The following NFKB1 variants were observed in gnomAD, a reference collection of about 807,000 sequenced individuals.
The protein encoded by NFKB1 is nuclear factor kappa B subunit 1, also known as nuclear factor NF-kappa-B p105 subunit.
A neutral mutation model predicts 105.1 loss-of-function variants in NFKB1; 9 were observed. The ratio of observed to expected loss-of-function variants is 0.09; its 90% CI spans 0.05 to 0.15. The LOEUF is 0.15. Among genes scored for constraint, NFKB1 ranks in the 10% least tolerant of loss-of-function variants. NFKB1 has a pLI of 1.00. For missense variants in NFKB1, 830 were observed against 1,203.7 expected (o/e 0.69, Z 4.59); for synonymous variants, 440 against 442.2 (o/e 1.00, Z 0.06).
At chr4:102,551,368 G>GCGCA (rs576319967) in intron 5 of NFKB1, among the ~76,000 whole-genome samples, 27,467 of 120,566 alleles carry the variant, frequency 0.23, 2,926 homozygotes, top group African/African-American at 0.41. Flanking sequence ...GTGTGTGTGT[G>GCGCA]CGCGCGCGCA....
chr4:102,612,089 T>A lies in NFKB1; in HGVS notation c.2398T>A (p.Ser800Thr). 1.9e-6 allele frequency: 3 copies of A among 1,614,094 alleles called. No homozygotes were observed. Among genetic ancestry groups the A allele is most frequent in the African/African-American group, 1.3e-5 (1 of 75,062 alleles). ...NGKPYEPEFT[S>T]DDLLAQGDMK... ...GAAACCATATGAGCCAGAGTTTACA[T>A]CTGATGATTTACTAGCACAAGGTGG... is the stretch of plus-strand genomic sequence containing the variant. Residue 800 changes from serine to threonine, a missense_variant, in exon 21 of 24, where the codon TCT (serine) becomes ACT (threonine). Around this residue, in one of 8 missense-constraint regions of NFKB1, gnomAD observed 418 missense variants for 575.3 expected, o/e 0.73. Transcript: ENST00000226574.
chr4:102,573,426 C>T (rs1244817118), intron 6 of NFKB1, among the ~76,000 whole-genome samples: 1 of 152,042 alleles, frequency 6.6e-6, no homozygotes, highest in Non-Finnish European at 1.5e-5. Context: ...AATCTTTGTT[C>T]CTCTGTATAT....
chr4:102,591,940 G>A (rs1197463940), intron 11 of NFKB1, among the ~76,000 whole-genome samples: 1 of 152,190 alleles, frequency 6.6e-6, no homozygotes, highest in East Asian at 1.9e-4. Context: ...CATGGAAGGA[G>A]GTCAAAATAT....
intron 1 of NFKB1, among the ~76,000 whole-genome samples, chr4:102,521,963 A>G (rs775445042): frequency 6.6e-6 from 1 of 152,188 alleles, no homozygotes; most frequent in Admixed American, 6.5e-5. Context: ...AAATCTTCCT[A>G]GAAACCTCAC....
At chr4:102,527,565 G>A (rs994650601) in intron 2 of NFKB1, among the ~76,000 whole-genome samples, 7 of 152,056 alleles carry the variant, frequency 4.6e-5, no homozygotes, top group Non-Finnish European at 8.8e-5. Flanking sequence ...TTATCACTTC[G>A]GGTGATATTC....
intron 7 of NFKB1, chr4:102,577,796 CT>C (rs1322791594): frequency 1.0e-6 from 1 of 985,324 alleles, no homozygotes; most frequent in Non-Finnish European, 1.2e-6. Flanking sequence ...CCATTCCGTG[CT>C]CTCTGGCATT....
intron 9 of NFKB1, among the ~76,000 whole-genome samples, chr4:102,581,047 G>C (rs1396446332): frequency 6.6e-6 from 1 of 152,086 alleles, no homozygotes; most frequent in African/African-American, 2.4e-5. Context: ...GCAATGCTTT[G>C]ATATAACACT....
At chr4:102,557,526 G>A (rs1441590876) in intron 5 of NFKB1, among the ~76,000 whole-genome samples, 1 of 152,134 alleles carries the variant, frequency 6.6e-6, no homozygotes, top group African/African-American at 2.4e-5. Context: ...ATAAAGTCCT[G>A]TGGGGTAGTT....
intron 3 of NFKB1, among the ~76,000 whole-genome samples, chr4:102,531,616 G>T (rs1266143184): frequency 2.6e-5 from 4 of 152,268 alleles, no homozygotes; most frequent in African/African-American, 9.6e-5. Flanking sequence ...CTGCACAGTG[G>T]AATGTCCTTT....
intron 11 of NFKB1, among the ~76,000 whole-genome samples, chr4:102,586,043 A>G (rs941160172): frequency 2.0e-5 from 3 of 152,180 alleles, no homozygotes; most frequent in Non-Finnish European, 4.4e-5. Context: ...TAGGTTTGGA[A>G]TGATGGCTCT....
At position 102,616,684 on chromosome 4, in the gene NFKB1, T is replaced by C; in HGVS notation, c.*90T>C. 7.2e-7 allele frequency: 1 copy of C among 1,381,588 alleles called. No homozygotes were observed. The highest frequency in any genetic ancestry group is 1.4e-5 in the African/African-American group (1 of 69,754). The allele number at this position is 1,381,588 out of a possible 1,614,324, so 85.6% of individuals were successfully genotyped here. A position where few individuals can be genotyped will look rare whatever the true frequency, so the allele number is the denominator to read the frequency against. ...ACAGAAGCTGAAGTGCATCCAAAGG[T>C]GCTCAGAGAGCCGGCCCGCCTGAAT... On this transcript the variant is annotated 3_prime_UTR_variant, in exon 24 of 24. Transcript: ENST00000226574.
intron 1 of NFKB1, among the ~76,000 whole-genome samples, chr4:102,515,412 A>G (rs1224590106): frequency 2.6e-5 from 4 of 152,010 alleles, no homozygotes; most frequent in South Asian, 2.1e-4. Flanking sequence ...GCCCGGCCCC[A>G]TGTAATATTA....
intron 5 of NFKB1, among the ~76,000 whole-genome samples, chr4:102,563,550 A>G (rs983294181): frequency 2.0e-5 from 3 of 152,174 alleles, no homozygotes; most frequent in Non-Finnish European, 4.4e-5. Context: ...CTTTTAAACT[A>G]CTATTATTTG....
intron 1 of NFKB1, among the ~76,000 whole-genome samples, chr4:102,512,295 A>G (rs559571775): frequency 6.6e-6 from 1 of 151,970 alleles, no homozygotes; most frequent in East Asian, 1.9e-4. Flanking sequence ...TAGTTCACCT[A>G]TTTCTCCCCA....
intron 5 of NFKB1, among the ~76,000 whole-genome samples, chr4:102,542,644 ACTACATAAG>A (rs1170862660): frequency 6.6e-6 from 1 of 152,170 alleles, no homozygotes; most frequent in Admixed American, 6.6e-5. Context: ...TTATATTTTT[ACTACATAAG>A]AATGCATCTA....
At chr4:102,513,198 A>G (rs1231237941) in intron 1 of NFKB1, among the ~76,000 whole-genome samples, 1 of 152,204 alleles carries the variant, frequency 6.6e-6, no homozygotes, top group African/African-American at 2.4e-5. Flanking sequence ...CATCTGAATG[A>G]AAGACCTCAC....
chr4:102,597,711 G>T, intron 15 of NFKB1, 50 bp downstream of exon 15: 1 of 1,585,138 alleles, frequency 6.3e-7, no homozygotes, highest in South Asian at 1.2e-5. Flanking sequence ...GGAAGAAGAA[G>T]AGCATCGTAT....
intron 5 of NFKB1, among the ~76,000 whole-genome samples, chr4:102,539,286 C>G (rs747796094): frequency 6.6e-6 from 1 of 151,426 alleles, no homozygotes; most frequent in African/African-American, 2.4e-5. Flanking sequence ...GTTTTGCCAG[C>G]CTTGCATTTT....
chr4:102,572,962 A>G (rs970087938), intron 6 of NFKB1, among the ~76,000 whole-genome samples: 1 of 152,112 alleles, frequency 6.6e-6, no homozygotes, highest in African/African-American at 2.4e-5. Flanking sequence ...GTATGTTTTC[A>G]TAGCTTTTTA....
Sources: gnomAD v4.1 joint callset for allele counts (sites outside exome capture counted in the v4.1 genomes callset) on GRCh38, gnomAD v4.1.1 for gene constraint, gnomAD v4.1.1 regional missense constraint, MANE v1.5 for transcripts, NCBI Gene and HGNC (gene_info 2026-07-23, HGNC 2026-07-21) for gene names.